Variants in COA4 observed in about 807,000 individuals in gnomAD.
COA4 encodes the protein cytochrome c oxidase assembly factor 4 homolog, also known as cytochrome c oxidase assembly factor 4 homolog, mitochondrial.
A neutral mutation model predicts 7.3 loss-of-function variants in COA4; 8 were observed. The observed-to-expected ratio is 1.10, with a 90% confidence interval of 0.64 to 1.98. COA4 has a LOEUF of 1.98. Ranked by LOEUF, COA4 falls within the 30% of genes most tolerant of loss-of-function variation. COA4 has a pLI of 0.00. For synonymous variants in COA4, 42 were observed against 44.3 expected, an observed-to-expected ratio of 0.95 and a Z score of 0.21; for missense variants, 96 against 111.2, an observed-to-expected ratio of 0.86 and a Z score of 0.62.
At chr11:73,876,681 TGC>T (rs764011133) in intron 1 of COA4, 74 bp downstream of exon 1, 38 of 222,884 alleles carry the variant, frequency 1.7e-4, no homozygotes, top group Middle Eastern at 1.4e-3. Context: ...TGAGGACGCA[TGC>T]GCGCGCGCGG....
intron 1 of COA4, 57 bp from the exon 2 acceptor site, chr11:73,873,451 A>G (rs977048818): frequency 6.7e-7 from 1 of 1,489,334 alleles, no homozygotes; most frequent in African/African-American, 1.4e-5. Context: ...CCTAAATTAT[A>G]AATAGCACTG....
intron 1 of COA4, among the ~76,000 whole-genome samples, chr11:73,874,942 G>T (rs1234976516): frequency 6.6e-6 from 1 of 151,938 alleles, no homozygotes; most frequent in Non-Finnish European, 1.5e-5. Context: ...GCCAAAGATC[G>T]TGCCACTGCA....
intron 1 of COA4, chr11:73,876,085 C>G (rs1267684036): frequency 6.6e-6 from 1 of 150,458 alleles, no homozygotes; most frequent in Non-Finnish European, 1.5e-5. Flanking sequence ...CGTGATCACG[C>G]CACTGCATTC....
chr11:73,873,542 T>A, intron 1 of COA4, 148 bp from the exon 2 acceptor site: 1 of 700,844 alleles, frequency 1.4e-6, no homozygotes, highest in Non-Finnish European at 2.3e-6. Context: ...GCTTGTTTTT[T>A]TTTTTTTTTT....
chr11:73,873,201 C>T lies in COA4; in HGVS notation c.178G>A (p.Ala60Thr). 6.2e-7 allele frequency: 1 copy of T among 1,614,228 alleles called. No individual in the cohort carries two copies. ...DWRQCQPQVQ[A>T]FKDCMSEQQA... ...TGTTCACTCATGCAATCCTTGAACG[C>T]CTGCACCTGTGGCTGGCATTGCCGC... The change falls in exon 2 of 2, where the codon GCG becomes ACG. Residue 60 changes from alanine to threonine, a missense_variant. By Grantham distance (58) the Ala-to-Thr change is moderately conservative. Transcript: ENST00000355693.
chr11:73,873,593 C>T, intron 1 of COA4, 199 bp from the exon 2 acceptor site: 1 of 582,216 alleles, frequency 1.7e-6, no homozygotes, highest in Admixed American at 3.4e-5. Context: ...TCACTGTAGC[C>T]TCCATCTTTA....
chr11:73,873,121 G>T lies in COA4; in HGVS notation c.258C>A (p.His86Gln). The T allele has an allele frequency of 6.2e-7, 1 of 1,602,138 alleles. No individual in the cohort carries two copies. Among genetic ancestry groups the T allele is most frequent in the Non-Finnish European group, 8.5e-7 (1 of 1,171,792 alleles). The change falls in exon 2 of 2, where the codon CAC (histidine) becomes CAA (glutamine). Residue 86 changes from histidine (H) to glutamine (Q), a missense_variant. By Grantham distance (24) the His-to-Gln change is conservative (BLOSUM62 0). Transcript: ENST00000355693. Reference sequence around the variant, plus strand: ...GGATAGGTGGTTTGGGGTCTCAGTGGTGGGCACCGGCTTGTTCTTGCCTCC... The same window carrying T: ...GGATAGGTGGTTTGGGGTCTCAGTGTTGGGCACCGGCTTGTTCTTGCCTCC... ...LQRRQEQAGAHH is the reference protein window; with the variant it reads ...LQRRQEQAGAQH
intron 1 of COA4, chr11:73,876,555 A>G (rs1948749016): frequency 6.5e-6 from 1 of 153,598 alleles, no homozygotes; most frequent in Admixed American, 6.5e-5. Flanking sequence ...GATGGTTGGC[A>G]GCTGGATCGT....
intron 1 of COA4, 115 bp downstream of exon 1, chr11:73,876,642 G>T (rs112146109): frequency 1.9e-4 from 34 of 174,904 alleles, no homozygotes; most frequent in African/African-American, 6.8e-4. Context: ...GGCCTGAGGC[G>T]CCTCAGGCGT....
At chr11:73,874,821 AC>A (rs2135107332) in intron 1 of COA4, among the ~76,000 whole-genome samples, 1 of 152,252 alleles carries the variant, frequency 6.6e-6, no homozygotes, top group African/African-American at 2.4e-5. Flanking sequence ...CCCCGTCTCT[AC>A]TAAAAATACA....
intron 1 of COA4, chr11:73,873,662 G>A: frequency 2.0e-6 from 1 of 488,098 alleles, no homozygotes; most frequent in Admixed American, 3.8e-5. Flanking sequence ...GGGACTACAG[G>A]TGTGCATCAC....
At chr11:73,875,155 T>C (rs530144041) in intron 1 of COA4, among the ~76,000 whole-genome samples, 76 of 152,278 alleles carry the variant, frequency 5.0e-4, no homozygotes, top group African/African-American at 1.7e-3. Context: ...ATGTGAGGTG[T>C]ATTTATTTGC....
chr11:73,875,481 A>G (rs1948732138), intron 1 of COA4, among the ~76,000 whole-genome samples: 1 of 152,198 alleles, frequency 6.6e-6, no homozygotes, highest in Non-Finnish European at 1.5e-5. Flanking sequence ...CAGATAGCAA[A>G]GACTGGGACC....
rs756059307 is a variant in COA4, at chr11:73,873,382, G to A, written c.-4C>T. 3.4e-5 allele frequency: 55 copies of A among 1,613,866 alleles called. No homozygotes were observed. Among genetic ancestry groups the A allele is most frequent in the Non-Finnish European group, 4.6e-5 (54 of 1,179,934 alleles). On this transcript the variant is annotated 5_prime_UTR_variant, in exon 2 of 2. Coordinates refer to ENST00000355693, the MANE Select transcript of COA4 (RefSeq NM_016565.3). ...CTTGAGGGACTGAGGTTGACATCCT[G>A]GGGATGGGGAGTCTATAGAACATTA...
Position 73,873,287 on chromosome 11 carries a change from C to T in COA4, c.92G>A (p.Arg31His), listed in dbSNP as rs146693705. ...EEDPLDQLIS[R>H]SGCAASHFAV... ...AAAGTGGGAGGCAGCACAGCCAGAG[C>T]GGGAGATCAGCTGGTCCAGCGGGTC... Residue 31 changes from arginine (R) to histidine (H), a missense_variant, in exon 2 of 2, where the codon CGC becomes CAC. Coordinates refer to ENST00000355693, the MANE Select transcript of COA4 (RefSeq NM_016565.3). 42 of 1,614,238 alleles carry T rather than the reference C, an allele frequency of 2.6e-5. No individual in the cohort carries two copies. The African/African-American group carries it at 4.1e-4, about 16-fold the overall frequency.
chr11:73,873,012 T>G lies in COA4; in HGVS notation c.*103A>C. On this transcript the variant is annotated 3_prime_UTR_variant, in exon 2 of 2. Transcript: ENST00000355693. ...ACTCCAGATCCAAAAACTCTCCCCATGTTTTAGACCTCCCACACCAGCATT... is the reference window on the plus strand; with the variant it reads ...ACTCCAGATCCAAAAACTCTCCCCAGGTTTTAGACCTCCCACACCAGCATT... The G allele has an allele frequency of 2.1e-6, 3 of 1,436,658 alleles. No homozygotes were observed. The highest frequency in any genetic ancestry group is 2.8e-6 in the Non-Finnish European group (3 of 1,074,988). 89.0% of individuals were successfully genotyped at this position (1,436,658 alleles called of 1,614,324 possible). A position where few individuals can be genotyped will look rare whatever the true frequency, so the allele number is the denominator to read the frequency against.
chr11:73,876,567 G>C (rs1426532513), intron 1 of COA4, 190 bp downstream of exon 1: 1 of 153,888 alleles, frequency 6.5e-6, no homozygotes, highest in East Asian at 1.9e-4. Flanking sequence ...CTGGATCGTG[G>C]AGGCTGGCCT....
At position 73,873,356 on chromosome 11, in the gene COA4, C is replaced by A. The variant is rs780821564; in HGVS notation, c.23G>T (p.Gly8Val). The change falls in exon 2 of 2, where the codon GGC (glycine) becomes GTC (valine). Residue 8 changes from glycine to valine, a missense_variant. By Grantham distance (109) the Gly-to-Val change is moderately radical. Transcript: ENST00000355693. ...CTTCACCCGTTGGGTCCAGGTATGG[C>A]CTTGAGGGACTGAGGTTGACATCCT... MSTSVPQ[G>V]HTWTQRVKKD... 18 of 1,614,080 alleles carry A rather than the reference C, an allele frequency of 1.1e-5. No individual in the cohort carries two copies. The highest frequency in any genetic ancestry group is 1.5e-5 in the Non-Finnish European group (18 of 1,180,006).
Position 73,873,366 on chromosome 11 carries a change from C to A in COA4, c.13G>T (p.Val5Phe). MSTS[V>F]PQGHTWTQRV... ...TGGGTCCAGGTATGGCCTTGAGGGA[C>A]TGAGGTTGACATCCTGGGGATGGGG... The change falls in exon 2 of 2, where the codon GTC (valine) becomes TTC (phenylalanine). Residue 5 changes from valine to phenylalanine, a missense_variant. Val to Phe is a conservative substitution (Grantham distance 50). Transcript: ENST00000355693. 1.9e-6 allele frequency: 3 copies of A among 1,614,068 alleles called. No individual in the cohort carries two copies. The highest frequency in any genetic ancestry group is 2.5e-6 in the Non-Finnish European group (3 of 1,179,974).
Sources: gnomAD v4.1 joint callset for allele counts (sites outside exome capture counted in the v4.1 genomes callset) on GRCh38, gnomAD v4.1.1 for gene constraint, MANE v1.5 for transcripts, NCBI Gene and HGNC (gene_info 2026-07-23, HGNC 2026-07-21) for gene names.